Variants in CDK8 observed in about 807,000 individuals in gnomAD.
The protein encoded by CDK8 is cyclin-dependent kinase 8.
Under a neutral mutation model 71.5 loss-of-function variants are expected in CDK8, and 29 were observed. That is an observed-to-expected ratio of 0.41 (90% CI 0.30 to 0.55). CDK8 has a LOEUF of 0.55. Ranked by LOEUF, CDK8 falls within the 20% of genes least tolerant of loss-of-function variation. The pLI, the probability that CDK8 is intolerant of heterozygous loss-of-function variation, is 0.37. For synonymous variants in CDK8, 161 were observed against 192.1 expected (o/e 0.84, Z 1.34); for missense variants, 288 against 572.6 (o/e 0.50, Z 5.07).
chr13:26,277,247 G>T (rs1471726583), intron 1 of CDK8, among the ~76,000 whole-genome samples: 1 of 152,168 alleles, frequency 6.6e-6, no homozygotes, highest in Admixed American at 6.5e-5. Context: ...TGCTGTAAGA[G>T]ACTTGCCTAT....
intron 4 of CDK8, among the ~76,000 whole-genome samples, chr13:26,366,130 G>A (rs1378732922): frequency 6.6e-6 from 1 of 152,078 alleles, no homozygotes; most frequent in Non-Finnish European, 1.5e-5. Flanking sequence ...AGCTAAAGCT[G>A]TTATCTAAAC....
chr13:26,389,862 G>A (rs568596743), intron 6 of CDK8, among the ~76,000 whole-genome samples: 1 of 152,048 alleles, frequency 6.6e-6, no homozygotes, highest in Non-Finnish European at 1.5e-5. Flanking sequence ...GCCAGGCATG[G>A]TGGCGGGCAC....
At chr13:26,317,607 T>C (rs1051559444) in intron 1 of CDK8, among the ~76,000 whole-genome samples, 31 of 152,266 alleles carry the variant, frequency 2.0e-4, no homozygotes, top group African/African-American at 7.2e-4. Flanking sequence ...CCAGCCACAA[T>C]GGGGTAAAGT....
intron 9 of CDK8, 85 bp downstream of exon 9, chr13:26,397,310 T>A: frequency 1.3e-6 from 1 of 792,158 alleles, no homozygotes; most frequent in Non-Finnish European, 2.1e-6. Flanking sequence ...TCAATTTATG[T>A]GGTTACTTAG....
At position 26,401,365 on chromosome 13, in the gene CDK8, G is replaced by C. The variant is rs540062765; in HGVS notation, c.1110+18G>C. On this transcript the variant is annotated intron_variant, in intron 11 of 12. Coordinates refer to ENST00000381527, the MANE Select transcript of CDK8 (RefSeq NM_001260.3). This position sits in a 1 kb window ranked among gnomAD's most constrained non-coding sequence, Gnocchi z 4.5. ...GAGACAAAGTAAGTATTAAAGTACT[G>C]TTAGCAGCTTCTTGTTTCGTGAATG... 2.5e-6 allele frequency: 4 copies of C among 1,612,130 alleles called. No individual in the cohort carries two copies. The South Asian group carries it at 4.4e-5, about 18-fold the overall frequency.
At chr13:26,358,381 T>C (rs544982440) in intron 4 of CDK8, among the ~76,000 whole-genome samples, 11 of 152,292 alleles carry the variant, frequency 7.2e-5, no homozygotes, top group South Asian at 4.1e-4. Context: ...AGGTAAGTTA[T>C]TTGCCCTGTC....
chr13:26,398,182 C>T (rs752353009), intron 9 of CDK8, among the ~76,000 whole-genome samples: 4 of 152,138 alleles, frequency 2.6e-5, no homozygotes, highest in Non-Finnish European at 5.9e-5. Flanking sequence ...TTTAAAAAGT[C>T]ATTCTTAACC....
chr13:26,323,881 A>G (rs766253118), intron 1 of CDK8, among the ~76,000 whole-genome samples: 8 of 152,102 alleles, frequency 5.3e-5, no homozygotes, highest in Non-Finnish European at 1.2e-4. Context: ...TTGCAGCTAT[A>G]TGAAACCTTT....
At chr13:26,344,386 A>G (rs1873373508) in intron 2 of CDK8, among the ~76,000 whole-genome samples, 1 of 152,156 alleles carries the variant, frequency 6.6e-6, no homozygotes, top group South Asian at 2.1e-4. Context: ...GCTAAGGTAC[A>G]TATACATTAG....
chr13:26,353,954 A>G, intron 4 of CDK8, 74 bp downstream of exon 4: 1 of 1,308,248 alleles, frequency 7.6e-7, no homozygotes, highest in Non-Finnish European at 1.1e-6. Flanking sequence ...GTCTGTAGAT[A>G]CCAGTGCTAT....
Position 26,401,299 on chromosome 13 carries a change from A to G in CDK8, c.1062A>G (p.Pro354=). The G allele has an allele frequency of 6.2e-7, 1 of 1,614,186 alleles. No individual in the cohort carries two copies. Among genetic ancestry groups the G allele is most frequent in the Non-Finnish European group, 8.5e-7 (1 of 1,179,998 alleles). Reference sequence around the variant, plus strand: ...TTGCCGGTTGTCAAATCCCTTACCCAAAACGAGAATTTTTAACGGAAGAAG... The same window carrying G: ...TTGCCGGTTGTCAAATCCCTTACCCGAAACGAGAATTTTTAACGGAAGAAG... ...DVFAGCQIPY[P]KREFLTEEEP... Residue 354 remains proline (P), a synonymous_variant, in exon 11 of 13, where the codon CCA becomes CCG. Transcript: ENST00000381527. This position sits in a 1 kb window ranked among gnomAD's most constrained non-coding sequence, Gnocchi z 4.5.
intron 4 of CDK8, among the ~76,000 whole-genome samples, chr13:26,361,678 G>A (rs989277193): frequency 4.4e-4 from 66 of 151,472 alleles, no homozygotes; most frequent in South Asian, 1.5e-3. Flanking sequence ...TATAAGTCAC[G>A]CCATTGTAAG....
intron 1 of CDK8, among the ~76,000 whole-genome samples, chr13:26,314,777 G>T (rs1593257643): frequency 1.3e-5 from 2 of 152,240 alleles, no homozygotes; most frequent in East Asian, 1.9e-4. Context: ...TCTGGCAATT[G>T]ATCTTTTCTC....
At chr13:26,298,243 A>T (rs1232726869) in intron 1 of CDK8, among the ~76,000 whole-genome samples, 1 of 152,048 alleles carries the variant, frequency 6.6e-6, no homozygotes, top group Admixed American at 6.6e-5. Flanking sequence ...CTATAATCAG[A>T]GGTAATATTT....
At chr13:26,325,075 G>A (rs1379803739) in intron 1 of CDK8, among the ~76,000 whole-genome samples, 2 of 152,162 alleles carry the variant, frequency 1.3e-5, no homozygotes, top group Admixed American at 1.3e-4. Context: ...TTGGAGCTTG[G>A]CATCTGGAGC....
intron 1 of CDK8, among the ~76,000 whole-genome samples, chr13:26,266,346 G>C (rs980465491): frequency 1.3e-5 from 2 of 152,146 alleles, no homozygotes; most frequent in Non-Finnish European, 2.9e-5. Flanking sequence ...AGTGTATAGA[G>C]CAAGACAAGG....
At chr13:26,366,992 C>T (rs943372613) in intron 4 of CDK8, among the ~76,000 whole-genome samples, 3 of 152,124 alleles carry the variant, frequency 2.0e-5, no homozygotes, top group Non-Finnish European at 2.9e-5. Context: ...GGCAGACAAC[C>T]CTGCTGACAC....
intron 1 of CDK8, among the ~76,000 whole-genome samples, chr13:26,328,086 G>A (rs1375326682): frequency 4.6e-5 from 7 of 151,690 alleles, no homozygotes. Context: ...AAAGCATTCG[G>A]ACCAAACTGG....
chr13:26,303,116 T>C (rs1396190505), intron 1 of CDK8, among the ~76,000 whole-genome samples: 1 of 152,122 alleles, frequency 6.6e-6, no homozygotes, highest in Non-Finnish European at 1.5e-5. Flanking sequence ...TGCATGTATA[T>C]CTTTGGCTGT....
Sources: gnomAD v4.1 joint callset for allele counts (sites outside exome capture counted in the v4.1 genomes callset) on GRCh38, gnomAD v4.1.1 for gene constraint, Gnocchi (gnomAD v3.1) non-coding constraint, MANE v1.5 for transcripts, NCBI Gene and HGNC (gene_info 2026-07-23, HGNC 2026-07-21) for gene names.